The following COBL variants were observed in gnomAD, a reference collection of about 807,000 sequenced individuals.
COBL encodes the protein protein cordon-bleu.
A neutral mutation model predicts 98.8 loss-of-function variants in COBL; 51 were observed. The ratio of observed to expected loss-of-function variants is 0.52; its 90% CI spans 0.41 to 0.65. The LOEUF is 0.65. Among genes scored for constraint, COBL ranks in the 30% least tolerant of loss-of-function variants. COBL has a pLI of 0.00. For synonymous variants in COBL, 634 were observed against 651.7 expected (o/e 0.97, Z 0.41); for missense variants, 1,617 against 1,617.5 (o/e 1.00, Z 0.01).
chr7:51,230,145 C>G (rs1794612372), intron 1 of COBL, among the ~76,000 whole-genome samples: 1 of 152,120 alleles, frequency 6.6e-6, no homozygotes. Flanking sequence ...CCCAGCTGCC[C>G]CCATCAGACA....
At chr7:51,087,631 G>T (rs1003543429) in intron 6 of COBL, among the ~76,000 whole-genome samples, 1 of 151,760 alleles carries the variant, frequency 6.6e-6, no homozygotes, top group African/African-American at 2.4e-5. Context: ...CTGCCACCAC[G>T]CCGGGCTAAT....
chr7:51,085,444 T>C, intron 6 of COBL, 140 bp from the exon 7 acceptor site: 1 of 773,764 alleles, frequency 1.3e-6, no homozygotes, highest in East Asian at 3.2e-5. Flanking sequence ...AGATGGCCAG[T>C]TCCCTTTCCA....
intron 4 of COBL, chr7:51,187,787 G>C: frequency 1.4e-6 from 1 of 705,992 alleles, no homozygotes; most frequent in East Asian, 3.4e-5. Context: ...ACCTTCAGGA[G>C]GGCCCCAAGC....
chr7:51,018,691 G>A (rs1313065415), intron 12 of COBL, among the ~76,000 whole-genome samples: 7 of 151,166 alleles, frequency 4.6e-5, no homozygotes, highest in African/African-American at 1.5e-4. Flanking sequence ...TCGGGAGTTC[G>A]AAACCAGCCT....
chr7:51,157,822 T>G (rs1271791565), intron 5 of COBL, among the ~76,000 whole-genome samples: 1 of 152,196 alleles, frequency 6.6e-6, no homozygotes, highest in Admixed American at 6.5e-5. Flanking sequence ...AATATAAGTA[T>G]GTGAGGTCAT....
At chr7:51,179,297 C>T (rs903678020) in intron 5 of COBL, among the ~76,000 whole-genome samples, 2 of 151,996 alleles carry the variant, frequency 1.3e-5, no homozygotes, top group Non-Finnish European at 2.9e-5. Context: ...AGTGCAGTGG[C>T]ACAATCTTGG....
chr7:51,099,592 G>A (rs1252052117), intron 6 of COBL, among the ~76,000 whole-genome samples: 1 of 151,862 alleles, frequency 6.6e-6, no homozygotes, highest in Admixed American at 6.6e-5. Flanking sequence ...TTGAGGGAGG[G>A]GGAAAAGATG....
At chr7:51,223,117 C>T (rs1332582399) in intron 1 of COBL, among the ~76,000 whole-genome samples, 1 of 152,240 alleles carries the variant, frequency 6.6e-6, no homozygotes, top group African/African-American at 2.4e-5. Flanking sequence ...TCTTCTCAGG[C>T]CTGACTTTGC....
intron 8 of COBL, among the ~76,000 whole-genome samples, chr7:51,037,272 T>C (rs939574656): frequency 6.6e-6 from 1 of 152,216 alleles, no homozygotes; most frequent in Non-Finnish European, 1.5e-5. Context: ...TAACACCAGC[T>C]ACCAATTGTT....
intron 6 of COBL, among the ~76,000 whole-genome samples, chr7:51,103,714 A>G (rs552135931): frequency 1.3e-5 from 2 of 152,380 alleles, no homozygotes; most frequent in South Asian, 4.1e-4. Context: ...CTGTACAACA[A>G]TAAAACACAT....
At chr7:51,090,921 T>C (rs1794756840) in intron 6 of COBL, among the ~76,000 whole-genome samples, 2 of 152,170 alleles carry the variant, frequency 1.3e-5, no homozygotes, top group South Asian at 4.1e-4. Context: ...AGCACGAGAT[T>C]ACAAGCTCAT....
In COBL at chr7:51,091,421, TAAG is replaced by T. The variant is rs535278341; in HGVS notation, c.958-6120_958-6118del. ...GGAGGAGTTCAACAGCAGGCTGTATTAAGAAGAAGAAGAAATAATCAGTGAACT... is the reference window on the plus strand; with the variant it reads ...GGAGGAGTTCAACAGCAGGCTGTATTAAGAAGAAGAAATAATCAGTGAACT... On this transcript the variant is annotated intron_variant, in intron 6 of 12. Coordinates refer to ENST00000265136, the MANE Select transcript of COBL (RefSeq NM_015198.5). Among the ~76,000 whole-genome samples, 26 of 152,242 alleles carry T rather than the reference TAAG, an allele frequency of 1.7e-4. No homozygotes were observed. In the East Asian group the frequency reaches 4.8e-3, roughly 28 times the overall value.
chr7:51,250,848 G>A (rs2129136675), intron 1 of COBL, among the ~76,000 whole-genome samples: 1 of 152,284 alleles, frequency 6.6e-6, no homozygotes, highest in South Asian at 2.1e-4. Flanking sequence ...CCCTTATGCT[G>A]GAAGGCCCAA....
rs1399050368 is a variant in COBL, at chr7:51,155,660, C to T, written c.784-19329G>A. ...CTATATAGCCCTGGTTTCATTTCTA[C>T]AGATTTCAACTCCCCTAACCATAAA... On this transcript the variant is annotated intron_variant, in intron 5 of 12. Coordinates refer to ENST00000265136, the MANE Select transcript of COBL (RefSeq NM_015198.5). Among the ~76,000 whole-genome samples, 5 of 138,298 alleles carry T rather than the reference C, an allele frequency of 3.6e-5. No homozygotes were observed. In the East Asian group the frequency reaches 1.2e-3, roughly 32 times the overall value. The allele number at this position is 138,298 out of a possible 152,430, so 90.7% of individuals were successfully genotyped here.
intron 6 of COBL, among the ~76,000 whole-genome samples, chr7:51,095,482 T>A (rs992757180): frequency 4.6e-5 from 7 of 152,262 alleles, no homozygotes; most frequent in African/African-American, 1.7e-4. Context: ...CTACAAGATA[T>A]ACGGAAACCA....
intron 1 of COBL, among the ~76,000 whole-genome samples, chr7:51,315,323 T>C (rs1050543243): frequency 2.3e-4 from 35 of 152,066 alleles, no homozygotes; most frequent in African/African-American, 8.0e-4. Flanking sequence ...TCAGGATTAT[T>C]TGATTTGCTA....
intron 1 of COBL, among the ~76,000 whole-genome samples, chr7:51,311,034 C>T (rs1276400753): frequency 6.6e-6 from 1 of 151,938 alleles, no homozygotes; most frequent in Non-Finnish European, 1.5e-5. Context: ...TTACAGGCAT[C>T]ACTTGGTGTG....
intron 2 of COBL, among the ~76,000 whole-genome samples, chr7:51,206,189 T>C (rs1265129566): frequency 6.6e-6 from 1 of 152,114 alleles, no homozygotes; most frequent in Non-Finnish European, 1.5e-5. Context: ...CAGTTCTGGG[T>C]ACATATTTCT....
chr7:51,081,532 C>T (rs551281857), intron 7 of COBL, among the ~76,000 whole-genome samples: 2 of 152,280 alleles, frequency 1.3e-5, no homozygotes, highest in South Asian at 2.1e-4. Context: ...TTGGTAAGTA[C>T]CCCTCCCACA....
Sources: allele counts gnomAD v4.1 joint callset (sites outside exome capture counted in the v4.1 genomes callset), GRCh38; gene constraint gnomAD v4.1.1; transcripts MANE v1.5; gene names NCBI Gene and HGNC (gene_info 2026-07-23, HGNC 2026-07-21).